Variants in TLN2 observed in about 807,000 individuals in gnomAD.
The protein encoded by TLN2 is talin 2.
In TLN2, 118 loss-of-function variants were observed where a neutral mutation model predicts 294.7. The ratio of observed to expected loss-of-function variants is 0.40; its 90% confidence interval spans 0.34 to 0.47. The LOEUF is 0.47. Ranked by LOEUF, TLN2 falls within the 20% of genes least tolerant of loss-of-function variation. The pLI, the probability that TLN2 is intolerant of heterozygous loss-of-function variation, is 0.84. For missense variants in TLN2, 3,083 were observed against 3,282.2 expected, an observed-to-expected ratio of 0.94 and a Z score of 1.48; for synonymous variants, 1,431 against 1,304.5, an observed-to-expected ratio of 1.10 and a Z score of -2.09.
intron 1 of TLN2, among the ~76,000 whole-genome samples, chr15:62,491,349 TATACACACAC>T (rs1270660440): frequency 0.19 from 15,530 of 83,398 alleles, 1,280 homozygotes; most frequent in East Asian, 0.45. Context: ...TATATATATA[TATACACACAC>T]ACACACACAC....
intron 1 of TLN2, among the ~76,000 whole-genome samples, chr15:62,394,782 T>C (rs2032393438): frequency 6.6e-6 from 1 of 152,172 alleles, no homozygotes; most frequent in African/African-American, 2.4e-5. Flanking sequence ...AATCTTTGGC[T>C]TGGGGCAGGT....
At chr15:62,728,620 CA>C (rs1277521264) in intron 28 of TLN2, among the ~76,000 whole-genome samples, 1 of 152,168 alleles carries the variant, frequency 6.6e-6, no homozygotes, top group Non-Finnish European at 1.5e-5. Context: ...AATAGTATCA[CA>C]TTATGATTTT....
At chr15:62,741,002 G>C (rs2061293491) in intron 32 of TLN2, among the ~76,000 whole-genome samples, 1 of 152,182 alleles carries the variant, frequency 6.6e-6, no homozygotes, top group African/African-American at 2.4e-5. Flanking sequence ...CTTTTCAGTA[G>C]AGACTTGTTT....
intron 2 of TLN2, among the ~76,000 whole-genome samples, chr15:62,609,571 T>A (rs2047740264): frequency 1.3e-5 from 2 of 152,202 alleles, no homozygotes; most frequent in South Asian, 4.1e-4. Context: ...ATCCCTCAGT[T>A]GAGGTTTGTG....
Position 62,698,847 on chromosome 15 carries a change from C to T in TLN2, c.1567C>T (p.Pro523Ser). The T allele has an allele frequency of 6.2e-7, 1 of 1,612,854 alleles. No individual in the cohort carries two copies. The highest frequency in any genetic ancestry group is 8.5e-7 in the Non-Finnish European group (1 of 1,179,962). The change falls in exon 16 of 59, where the codon CCA becomes TCA. Residue 523 changes from proline to serine, a missense_variant. Coordinates refer to ENST00000636159, the MANE Select transcript of TLN2 (RefSeq NM_015059.3). The part of the protein sequence containing the change: ...QDDLSELDSL[P>S]PLGQDMASRV... ...TGATCTCAGTGAGCTCGACTCGCTG[C>T]CACCTCTCGGCCAGGATATGGTAAA...
intron 1 of TLN2, among the ~76,000 whole-genome samples, chr15:62,535,961 C>T (rs1240100316): frequency 6.6e-6 from 1 of 152,226 alleles, no homozygotes; most frequent in Non-Finnish European, 1.5e-5. Context: ...CTACCGCTCT[C>T]AACATTTCTA....
rs1317752072 is a variant in TLN2 at position 62,843,802 on chromosome 15, T to G, written c.*3192T>G. The G allele has an allele frequency of 1.3e-5, 2 of 152,242 alleles. No individual in the cohort carries two copies. The highest frequency in any genetic ancestry group is 1.3e-4 in the Admixed American group (2 of 15,286). 9.4% of individuals were successfully genotyped at this position (152,242 alleles called of 1,614,324 possible). ...CAAGGAACCAGACACAGGTCAAAAGTGGTGAGCAAGCCATGGTCTCTGCTC... is the reference window on the plus strand; with the variant it reads ...CAAGGAACCAGACACAGGTCAAAAGGGGTGAGCAAGCCATGGTCTCTGCTC... On this transcript the variant is annotated 3_prime_UTR_variant, in exon 59 of 59. Transcript: ENST00000636159.
intron 9 of TLN2, among the ~76,000 whole-genome samples, chr15:62,666,224 A>G (rs1384559530): frequency 6.6e-6 from 1 of 152,132 alleles, no homozygotes; most frequent in African/African-American, 2.4e-5. Context: ...AGTTTCTCCC[A>G]TGCTGCTGTG....
chr15:62,701,165 A>G lies in TLN2; in HGVS notation c.1647A>G (p.Gln549=). 1 of 1,614,156 alleles carries G rather than the reference A, an allele frequency of 6.2e-7. No homozygotes were observed. ...AATCCAAACACGAAATCCATTCTCA[A>G]GTTGATGCTATCACGGCCGGAACGG... is the stretch of plus-strand genomic sequence containing the variant. ...VDESKHEIHS[Q]VDAITAGTAS... is the part of the protein sequence containing the mutation. Residue 549 remains glutamine (Q), a synonymous_variant, in exon 17 of 59, where the codon CAA becomes CAG. Transcript: ENST00000636159.
intron 1 of TLN2, among the ~76,000 whole-genome samples, chr15:62,507,975 G>A (rs1420191822): frequency 6.6e-6 from 1 of 151,904 alleles, no homozygotes; most frequent in African/African-American, 2.4e-5. Context: ...GTTATCATTG[G>A]TGAAATTTCA....
intron 1 of TLN2, among the ~76,000 whole-genome samples, chr15:62,419,594 A>G (rs189656419): frequency 7.7e-4 from 110 of 142,696 alleles, no homozygotes; most frequent in African/African-American, 2.7e-3. Flanking sequence ...CCTTTGAAGA[A>G]GAAAGGTTAG....
intron 1 of TLN2, among the ~76,000 whole-genome samples, chr15:62,553,549 T>C (rs2042442167): frequency 6.6e-6 from 1 of 152,202 alleles, no homozygotes; most frequent in Admixed American, 6.5e-5. Context: ...TACACAGATA[T>C]ATTTAAAATA....
intron 1 of TLN2, among the ~76,000 whole-genome samples, chr15:62,542,960 A>G (rs989459233): frequency 7.2e-5 from 11 of 152,194 alleles, no homozygotes; most frequent in African/African-American, 2.4e-4. Flanking sequence ...TTGTGGCCAG[A>G]GAAATGGACT....
intron 21 of TLN2, among the ~76,000 whole-genome samples, chr15:62,711,696 C>G (rs2059439852): frequency 6.6e-6 from 1 of 152,180 alleles, no homozygotes; most frequent in Admixed American, 6.5e-5. Flanking sequence ...AAGGTTGAAC[C>G]TGGCTGTGTT....
intron 12 of TLN2, among the ~76,000 whole-genome samples, chr15:62,690,036 A>C (rs2057680249): frequency 1.9e-5 from 1 of 51,304 alleles, no homozygotes; most frequent in African/African-American, 8.1e-5. Context: ...ACTTCCCAGT[A>C]GGGGCGGCCG....
rs1350159951 is a variant in TLN2 at position 62,763,571 on chromosome 15, C to G, written c.4970C>G (p.Ala1657Gly). Reference protein sequence around the residue: ...KSLITSIRDKAPGQRECDYSI... With the variant: ...KSLITSIRDKGPGQRECDYSI... ...TGCACTATTCCTTCCAGGGACAAGG[C>G]CCCTGGACAGAGGGAGTGTGATTAC... The change falls in exon 40 of 59, where the codon GCC (alanine) becomes GGC (glycine). Residue 1657 changes from alanine (A) to glycine (G), a missense_variant. Coordinates refer to ENST00000636159, the MANE Select transcript of TLN2 (RefSeq NM_015059.3). 5.0e-6 allele frequency: 8 copies of G among 1,611,260 alleles called. No individual in the cohort carries two copies. Among genetic ancestry groups the G allele is most frequent in the Non-Finnish European group, 6.8e-6 (8 of 1,178,210 alleles).
intron 3 of TLN2, among the ~76,000 whole-genome samples, chr15:62,643,583 T>C (rs1031564598): frequency 3.9e-5 from 6 of 152,042 alleles, no homozygotes; most frequent in South Asian, 2.1e-4. Context: ...TTCCATGCCC[T>C]GCCCCCTCTT....
chr15:62,769,869 G>A (rs950759832), intron 41 of TLN2, among the ~76,000 whole-genome samples: 7 of 152,232 alleles, frequency 4.6e-5, no homozygotes, highest in African/African-American at 1.4e-4. Context: ...ACAGAAAAGT[G>A]TGATTCATGC....
chr15:62,803,031 C>T (rs1330013452), intron 50 of TLN2, among the ~76,000 whole-genome samples: 1 of 152,154 alleles, frequency 6.6e-6, no homozygotes, highest in Non-Finnish European at 1.5e-5. Flanking sequence ...TTGATTGTTT[C>T]CTTTGCTGTG....
Sources: allele counts gnomAD v4.1 joint callset (sites outside exome capture counted in the v4.1 genomes callset), GRCh38; gene constraint gnomAD v4.1.1; transcripts MANE v1.5; gene names NCBI Gene and HGNC (gene_info 2026-07-23, HGNC 2026-07-21).